The following ZNF398 variants were observed in gnomAD, a reference collection of about 807,000 sequenced individuals.
ZNF398 encodes the protein zinc finger DNA binding protein ZER6.
A neutral mutation model predicts 41.9 loss-of-function variants in ZNF398; 18 were observed. That is an observed-to-expected ratio of 0.43 (90% CI 0.30 to 0.64). The LOEUF (loss-of-function observed/expected upper bound fraction) is 0.64. ZNF398 is among the 30% of genes least tolerant of loss of function. The pLI is 0.14. For missense variants in ZNF398, 669 were observed against 822.8 expected, an observed-to-expected ratio of 0.81 and a Z score of 2.29; for synonymous variants, 260 against 308.8, an observed-to-expected ratio of 0.84 and a Z score of 1.66.
At chr7:149,133,700 T>TAC in intron 2 of ZNF398, among the ~76,000 whole-genome samples, 1 of 81,852 alleles carries the variant, frequency 1.2e-5, no homozygotes, top group Non-Finnish European at 2.4e-5. Flanking sequence ...TGTGTATATA[T>TAC]ATATACACAC....
Position 149,180,528 on chromosome 7 carries a change from A to C in ZNF398, c.*727A>C, listed in dbSNP as rs532050363. 1.3e-5 allele frequency: 2 copies of C among 152,358 alleles called. No individual in the cohort carries two copies. Among genetic ancestry groups the C allele is most frequent in the South Asian group, 4.1e-4 (2 of 4,830 alleles). 9.4% of individuals were successfully genotyped at this position (152,358 alleles called of 1,614,324 possible). A position where few individuals can be genotyped will look rare whatever the true frequency, so the allele number is the denominator to read the frequency against. On this transcript the variant is annotated 3_prime_UTR_variant, in exon 6 of 6. Transcript: ENST00000475153. ...GAAACAGGCTCTTATTGCCATTTAA[A>C]CTGCCAGAAATCTTTGCCAAGGTCC... is the stretch of plus-strand genomic sequence containing the variant.
chr7:149,148,577 T>G, intron 1 of ZNF398: 5 of 736,702 alleles, frequency 6.8e-6, no homozygotes, highest in Non-Finnish European at 8.3e-6. Flanking sequence ...CAGCGATGGG[T>G]AGGGGGTAGA....
chr7:149,178,176 C>T lies in ZNF398; in HGVS notation c.776-472C>T, dbSNP rs183315192. ...GCGTAGTGGCGGGTGCCTGTAGTCC[C>T]AGCTACTCGGGAGGCTGAGGCAGGA... On this transcript the variant is annotated intron_variant, in intron 5 of 5. Coordinates refer to ENST00000475153, the MANE Select transcript of ZNF398 (RefSeq NM_170686.3). Among the ~76,000 whole-genome samples the T allele has an allele frequency of 8.7e-3, 1,325 of 152,062 alleles. 9 individuals are homozygous for T. Among genetic ancestry groups the T allele is most frequent in the African/African-American group, 0.015 (634 of 41,506 alleles).
At chr7:149,149,776 T>C (rs1230333920) in intron 1 of ZNF398, among the ~76,000 whole-genome samples, 2 of 152,112 alleles carry the variant, frequency 1.3e-5, no homozygotes, top group African/African-American at 4.8e-5. Context: ...AGGTGGAGGC[T>C]GCAGTGAGCT....
intron 5 of ZNF398, among the ~76,000 whole-genome samples, chr7:149,177,223 C>T (rs1795481648): frequency 1.3e-5 from 2 of 151,878 alleles, no homozygotes; most frequent in Non-Finnish European, 1.5e-5. Flanking sequence ...TAGGGACATA[C>T]ATATCAGTAC....
At chr7:149,128,781 T>TAAAATAAAATA (rs1826537779) in intron 1 of ZNF398, 17 of 11,936 alleles carry the variant, frequency 1.4e-3, no homozygotes, top group African/African-American at 3.4e-3. Flanking sequence ...AAAATAAAAT[T>TAAAATAAAATA]ATATATATAT....
chr7:149,126,878 C>T (rs1287508719), intron 1 of ZNF398, among the ~76,000 whole-genome samples: 1 of 152,202 alleles, frequency 6.6e-6, no homozygotes, highest in Non-Finnish European at 1.5e-5. Flanking sequence ...ACGTCCGGTC[C>T]CCGTGGGTGC....
chr7:149,147,718 G>A lies in ZNF398; in HGVS notation c.-25G>A. ...CGGCGGCAGCGGCGGCGACTTCCGAGGCCCGGGCTAGACAGCGCAGGGCCA... is the reference window on the plus strand; with the variant it reads ...CGGCGGCAGCGGCGGCGACTTCCGAAGCCCGGGCTAGACAGCGCAGGGCCA... On this transcript the variant is annotated 5_prime_UTR_variant, in exon 1 of 6. Coordinates refer to ENST00000475153, the MANE Select transcript of ZNF398 (RefSeq NM_170686.3). The surrounding 1 kb of genome is among the most constrained non-coding windows in gnomAD (Gnocchi z 5.6). 2 of 1,298,302 alleles carry A rather than the reference G, an allele frequency of 1.5e-6. No homozygotes were observed. Among genetic ancestry groups the A allele is most frequent in the African/African-American group, 1.5e-5 (1 of 64,834 alleles). 80.4% of individuals were successfully genotyped at this position (1,298,302 alleles called of 1,614,324 possible).
chr7:149,153,814 C>T lies in ZNF398; in HGVS notation c.25-131C>T, dbSNP rs1001058450. The T allele has an allele frequency of 1.1e-4, 119 of 1,100,096 alleles. No individual in the cohort carries two copies. The African/African-American group carries it at 1.5e-3, about 14-fold the overall frequency. The allele number at this position is 1,100,096 out of a possible 1,614,324, so 68.1% of individuals were successfully genotyped here. ...GTGAGCTCCAGAAAGATGAGGCATA[C>T]GCAGGCAGTACTAGAACTATATTCA... On this transcript the variant is annotated intron_variant, in intron 1 of 5. Transcript: ENST00000475153.
intron 2 of ZNF398, among the ~76,000 whole-genome samples, chr7:149,134,119 C>T (rs1246326708): frequency 6.9e-6 from 1 of 145,450 alleles, no homozygotes; most frequent in Admixed American, 7.0e-5. Flanking sequence ...GGGTGGAGTG[C>T]AATGGTGTGA....
intron 4 of ZNF398, among the ~76,000 whole-genome samples, chr7:149,171,532 C>A (rs559125715): frequency 6.6e-6 from 1 of 151,314 alleles, no homozygotes; most frequent in Non-Finnish European, 1.5e-5. Flanking sequence ...CCCCCACGCC[C>A]GGCTAATTTT....
chr7:149,175,991 G>A (rs948186409), intron 4 of ZNF398, among the ~76,000 whole-genome samples: 3 of 152,024 alleles, frequency 2.0e-5, no homozygotes, highest in African/African-American at 7.2e-5. Flanking sequence ...CATCCTGTAT[G>A]CATTTTTTAA....
At position 149,182,428 on chromosome 7, in the gene ZNF398, A is replaced by G. The variant is rs1042374540; in HGVS notation, c.*2627A>G. The G allele has an allele frequency of 1.3e-5, 2 of 152,274 alleles. No individual in the cohort carries two copies. Among genetic ancestry groups the G allele is most frequent in the Admixed American group, 6.5e-5 (1 of 15,284 alleles). The allele number at this position is 152,274 out of a possible 1,614,324, so 9.4% of individuals were successfully genotyped here. A position where few individuals can be genotyped will look rare whatever the true frequency, so the allele number is the denominator to read the frequency against. On this transcript the variant is annotated 3_prime_UTR_variant, in exon 6 of 6. Transcript: ENST00000475153. ...CTTAAGATTCAAAAGTGGGTAAGTA[A>G]AATGGATCAGTGGGAAGGATAAGGT...
At position 149,166,271 on chromosome 7, in the gene ZNF398, T is replaced by C; in HGVS notation, c.534T>C (p.Ser178=). The change falls in exon 3 of 6, where the codon TCT becomes TCC. Residue 178 remains serine (S), a synonymous_variant. Coordinates refer to ENST00000475153, the MANE Select transcript of ZNF398 (RefSeq NM_170686.3). ...YKNIMKGNYE[S]LISMDYAINQ... ...ATATCATGAAGGGCAACTACGAGTC[T>C]CTCATCTCCATGGGTGAGGCTGAGT... is the stretch of plus-strand genomic sequence containing the variant. 1 of 1,614,108 alleles carries C rather than the reference T, an allele frequency of 6.2e-7. No individual in the cohort carries two copies. The highest frequency in any genetic ancestry group is 8.5e-7 in the Non-Finnish European group (1 of 1,180,010).
chr7:149,175,072 A>G (rs184543432), intron 4 of ZNF398, among the ~76,000 whole-genome samples: 97 of 152,250 alleles, frequency 6.4e-4, no homozygotes, highest in African/African-American at 2.1e-3. Context: ...GCTAAAATCT[A>G]TTTCCCAAAT....
At chr7:149,176,291 G>A (rs1177090149) in intron 4 of ZNF398, among the ~76,000 whole-genome samples, 177 bp from the exon 5 acceptor site, 1 of 152,094 alleles carries the variant, frequency 6.6e-6, no homozygotes, top group Non-Finnish European at 1.5e-5. Context: ...AGCTTGCAGT[G>A]AGCCATCGTG....
chr7:149,167,599 G>A (rs908160878), intron 4 of ZNF398, among the ~76,000 whole-genome samples: 5 of 150,570 alleles, frequency 3.3e-5, no homozygotes, highest in African/African-American at 9.8e-5. Context: ...CAACCCACCC[G>A]CTATCCCATA....
chr7:149,150,293 A>G (rs1187355264), intron 1 of ZNF398, among the ~76,000 whole-genome samples: 1 of 152,118 alleles, frequency 6.6e-6, no homozygotes, highest in African/African-American at 2.4e-5. Flanking sequence ...TCACCTGGGA[A>G]TTTGTTAAAA....
At chr7:149,154,725 G>A (rs1297603148) in intron 2 of ZNF398, among the ~76,000 whole-genome samples, 2 of 152,024 alleles carry the variant, frequency 1.3e-5, no homozygotes, top group Non-Finnish European at 2.9e-5. Context: ...GAGGCTGGGC[G>A]CGGTGGCTCA....
Sources: allele counts gnomAD v4.1 joint callset (sites outside exome capture counted in the v4.1 genomes callset), GRCh38; gene constraint gnomAD v4.1.1; non-coding constraint Gnocchi (gnomAD v3.1); transcripts MANE v1.5; gene names NCBI Gene and HGNC (gene_info 2026-07-23, HGNC 2026-07-21).